NRP1: variants seen among roughly 807,000 people sequenced by gnomAD.
The protein encoded by NRP1 is neuropilin-1.
A neutral mutation model predicts 106.7 loss-of-function variants in NRP1; 35 were observed. That is an observed-to-expected ratio of 0.33 (90% CI 0.25 to 0.43). The LOEUF (loss-of-function observed/expected upper bound fraction) is 0.43, where lower values mean the gene tolerates loss of function less well. Ranked by LOEUF, NRP1 falls within the 20% of genes least tolerant of loss-of-function variation. NRP1 has a pLI of 1.00. For synonymous variants in NRP1, 437 were observed against 417.9 expected, an observed-to-expected ratio of 1.05 and a Z score of -0.56; for missense variants, 1,024 against 1,170.4, an observed-to-expected ratio of 0.87 and a Z score of 1.83.
At chr10:33,292,434 A>G (rs1190825700) in intron 2 of NRP1, among the ~76,000 whole-genome samples, 1 of 152,186 alleles carries the variant, frequency 6.6e-6, no homozygotes, top group Non-Finnish European at 1.5e-5. Context: ...GGTTTTTAAA[A>G]TCTTCATTCA....
At chr10:33,249,300 G>A (rs141850655) in intron 6 of NRP1, 27 of 324,234 alleles carry the variant, frequency 8.3e-5, no homozygotes, top group African/African-American at 4.7e-4. Flanking sequence ...CTTTGAGAAC[G>A]TCTCCCTAGA....
intron 7 of NRP1, 36 bp downstream of exon 7, chr10:33,226,098 G>A: frequency 6.2e-7 from 1 of 1,608,100 alleles, no homozygotes; most frequent in African/African-American, 1.3e-5. Flanking sequence ...CCATTTAAAA[G>A]ACCAAATTGG....
At chr10:33,250,039 A>G (rs1380692421) in intron 6 of NRP1, among the ~76,000 whole-genome samples, 2 of 152,188 alleles carry the variant, frequency 1.3e-5, no homozygotes, top group South Asian at 4.1e-4. Context: ...TGTTGTTGCT[A>G]CAGCAACTTG....
intron 4 of NRP1, among the ~76,000 whole-genome samples, chr10:33,260,510 G>C (rs1331829620): frequency 1.3e-5 from 2 of 152,168 alleles, no homozygotes; most frequent in African/African-American, 4.8e-5. Flanking sequence ...CTGAGGCAGA[G>C]AGCTGACATC....
intron 6 of NRP1, 21 bp downstream of exon 6, chr10:33,254,007 G>T (rs766179788): frequency 6.3e-7 from 1 of 1,588,554 alleles, no homozygotes; most frequent in Non-Finnish European, 8.5e-7. Flanking sequence ...TCCTAGATAG[G>T]CTTGATCTTA....
chr10:33,294,697 T>A, intron 2 of NRP1, among the ~76,000 whole-genome samples: 1 of 151,560 alleles, frequency 6.6e-6, no homozygotes, highest in Non-Finnish European at 1.5e-5. Flanking sequence ...TATCTCAAAG[T>A]TAATGAGGAA....
intron 16 of NRP1, among the ~76,000 whole-genome samples, chr10:33,181,600 T>C (rs1423782481): frequency 2.0e-5 from 3 of 152,202 alleles, no homozygotes; most frequent in Admixed American, 6.5e-5. Context: ...CTTCTGGGAA[T>C]AGACTAATAC....
At chr10:33,310,266 T>TC (rs386371145) in intron 2 of NRP1, among the ~76,000 whole-genome samples, 5 of 146,766 alleles carry the variant, frequency 3.4e-5, no homozygotes, top group African/African-American at 1.3e-4. Context: ...TTTTTTTTTT[T>TC]TCGAGACAGA....
At chr10:33,259,644 A>G (rs1400236252) in intron 4 of NRP1, among the ~76,000 whole-genome samples, 1 of 152,178 alleles carries the variant, frequency 6.6e-6, no homozygotes, top group East Asian at 1.9e-4. Context: ...AGCTATAATG[A>G]TCATATCGTA....
At position 33,330,780 on chromosome 10, in the gene NRP1, T is replaced by C. The variant is rs1303960267; in HGVS notation, c.176A>G (p.Gln59Arg). The C allele has an allele frequency of 6.2e-7, 1 of 1,613,858 alleles. No individual in the cohort carries two copies. The highest frequency in any genetic ancestry group is 8.5e-7 in the Non-Finnish European group (1 of 1,179,814). The change falls in exon 2 of 17, where the codon CAG becomes CGG. Residue 59 changes from glutamine (Q) to arginine (R), a missense_variant. Gln to Arg is a conservative substitution (Grantham distance 43, BLOSUM62 1). Around this residue, in one of 5 missense-constraint regions of NRP1, gnomAD observed 279 missense variants for 327.4 expected, o/e 0.85. Coordinates refer to ENST00000374867, the MANE Select transcript of NRP1 (RefSeq NM_003873.7). ...HPSEKCEWLI[Q>R]APDPYQRIMI... is the part of the protein sequence containing the mutation. The stretch of plus-strand genomic sequence containing the variant: ...AATTCTCTGGTATGGGTCCGGAGCC[T>C]GAATCAGCCATTCGCATTTTTCACT...
At chr10:33,259,953 C>CAAGTGATCCTCCCACTTCAG (rs1260287143) in intron 4 of NRP1, among the ~76,000 whole-genome samples, 2 of 152,134 alleles carry the variant, frequency 1.3e-5, no homozygotes, top group Non-Finnish European at 2.9e-5. Context: ...CTCTTGGGCC[C>CAAGTGATCCTCCCACTTCAG]AAGTGATCCT....
chr10:33,206,710 T>C lies in NRP1; in HGVS notation c.1759+862A>G, dbSNP rs578128110. Reference sequence around the variant, plus strand: ...AAGCTAGGCTGGAGCAAGACCTCTATGGGGATAGAAAAACTGGTGTAGGTT... The same window carrying C: ...AAGCTAGGCTGGAGCAAGACCTCTACGGGGATAGAAAAACTGGTGTAGGTT... On this transcript the variant is annotated intron_variant, in intron 10 of 16. Transcript: ENST00000374867. 2.6e-5 allele frequency among the ~76,000 whole-genome samples: 4 copies of C among 152,274 alleles called. No individual in the cohort carries two copies. In the South Asian group the frequency reaches 8.3e-4, roughly 32 times the overall value.
rs778630230 is a variant in NRP1, at chr10:33,180,219, C to A, written c.2629G>T (p.Val877Phe). The change falls in exon 17 of 17, where the codon GTC becomes TTC. Residue 877 changes from valine to phenylalanine, a missense_variant. Val to Phe is a conservative substitution (Grantham distance 50, BLOSUM62 -1). This residue lies in a region of NRP1 where 164 missense variants were observed against 161.4 expected (regional missense o/e 1.02). Coordinates refer to ENST00000374867, the MANE Select transcript of NRP1 (RefSeq NM_003873.7). Reference sequence around the variant, plus strand: ...TGCCAACAGGCACAGTACAGCACGACCCCACAGACAGCCCCCAGGAGGACC... The same window carrying A: ...TGCCAACAGGCACAGTACAGCACGAACCCACAGACAGCCCCCAGGAGGACC... Reference protein sequence around the residue: ...LGVLLGAVCGVVLYCACWHNG... With the variant: ...LGVLLGAVCGFVLYCACWHNG... 1.1e-5 allele frequency: 17 copies of A among 1,613,998 alleles called. No individual in the cohort carries two copies. In the East Asian group the frequency reaches 2.7e-4, roughly 25 times the overall value.
intron 3 of NRP1, among the ~76,000 whole-genome samples, chr10:33,267,064 G>A (rs1842974440): frequency 6.6e-6 from 1 of 151,976 alleles, no homozygotes; most frequent in Non-Finnish European, 1.5e-5. Context: ...AAAACGTGTA[G>A]CACCTCCCCT....
intron 3 of NRP1, among the ~76,000 whole-genome samples, chr10:33,267,860 G>A (rs752689067): frequency 2.6e-5 from 4 of 152,152 alleles, no homozygotes; most frequent in African/African-American, 7.2e-5. Context: ...AGGAAGAAGC[G>A]GGGCTGGCCT....
chr10:33,224,009 T>G (rs1204354363), intron 7 of NRP1, among the ~76,000 whole-genome samples: 2 of 152,102 alleles, frequency 1.3e-5, no homozygotes, highest in Non-Finnish European at 2.9e-5. Context: ...TTGCTGGAGT[T>G]GTTGGTGGTC....
At chr10:33,243,155 G>A (rs907906711) in intron 6 of NRP1, among the ~76,000 whole-genome samples, 14 of 152,042 alleles carry the variant, frequency 9.2e-5, no homozygotes, top group Admixed American at 2.0e-4. Context: ...AAAAGGCCCC[G>A]CGAGTGAAGT....
Position 33,207,610 on chromosome 10 carries a change from A to G in NRP1, c.1721T>C (p.Leu574Pro), listed in dbSNP as rs1837892231. The change falls in exon 10 of 17, where the codon CTG becomes CCG. Residue 574 changes from leucine to proline, a missense_variant. This residue lies in a region of NRP1 where 562 missense variants were observed against 620.3 expected (regional missense o/e 0.91). Transcript: ENST00000374867. The part of the protein sequence containing the change: ...IYPERATHGG[L>P]GLRMELLGCE... Reference sequence around the variant, plus strand: ...GCCCAGCAGCTCCATTCTGAGCCCCAGTCCGCCATGAGTGGCTCTCTCGGG... The same window carrying G: ...GCCCAGCAGCTCCATTCTGAGCCCCGGTCCGCCATGAGTGGCTCTCTCGGG... The G allele has an allele frequency of 1.2e-6, 2 of 1,614,092 alleles. No individual in the cohort carries two copies. Among genetic ancestry groups the G allele is most frequent in the African/African-American group, 2.7e-5 (2 of 74,942 alleles).
intron 13 of NRP1, among the ~76,000 whole-genome samples, chr10:33,191,828 A>C (rs1241703529): frequency 6.6e-6 from 1 of 151,914 alleles, no homozygotes. Context: ...AATACAAAAA[A>C]TTAGCTGGGT....
Sources: allele counts gnomAD v4.1 joint callset (sites outside exome capture counted in the v4.1 genomes callset), GRCh38; gene constraint gnomAD v4.1.1; regional missense constraint gnomAD v4.1.1; transcripts MANE v1.5; gene names NCBI Gene and HGNC (gene_info 2026-07-23, HGNC 2026-07-21).